The following EXOSC10 variants were observed in gnomAD, a reference collection of about 807,000 sequenced individuals.
The protein encoded by EXOSC10 is exosome complex component 10.
A neutral mutation model predicts 126.6 loss-of-function variants in EXOSC10; 94 were observed. The observed-to-expected ratio is 0.74, with a 90% CI of 0.63 to 0.88. The LOEUF is 0.88. Among genes scored for constraint, EXOSC10 ranks in the 40% least tolerant of loss-of-function variants. The pLI is 0.00. For synonymous variants in EXOSC10, 395 were observed against 400.8 expected, an observed-to-expected ratio of 0.99 and a Z score of 0.17; for missense variants, 1,041 against 1,100.5, an observed-to-expected ratio of 0.95 and a Z score of 0.77.
Position 11,068,691 on chromosome 1 carries a change from T to G in EXOSC10, c.2504A>C (p.Lys835Thr). The G allele has an allele frequency of 1.9e-6, 3 of 1,614,092 alleles. No homozygotes were observed. The highest frequency in any genetic ancestry group is 2.5e-6 in the Non-Finnish European group (3 of 1,179,984). The part of the protein sequence containing the change: ...FKAFAGNSKS[K>T]VSSQFDPNKQ... Reference sequence around the variant, plus strand: ...ATTTGGATCAAACTGAGAAGAAACTTTGGATTTGCTGTTTCCTGAAAGGTA... The same window carrying G: ...ATTTGGATCAAACTGAGAAGAAACTGTGGATTTGCTGTTTCCTGAAAGGTA... Residue 835 changes from lysine to threonine, a missense_variant, in exon 23 of 25, where the codon AAA becomes ACA. Physicochemically the swap from Lys to Thr is moderately conservative, Grantham distance 78 (BLOSUM62 -1). Around this residue, in one of 3 missense-constraint regions of EXOSC10, gnomAD observed 388 missense variants for 415.2 expected, o/e 0.93. Coordinates refer to ENST00000376936, the MANE Select transcript of EXOSC10 (RefSeq NM_001001998.3).
At chr1:11,090,802 A>G in intron 5 of EXOSC10, 134 bp from the exon 6 acceptor site, 1 of 820,222 alleles carries the variant, frequency 1.2e-6, no homozygotes, top group Non-Finnish European at 1.9e-6. Flanking sequence ...CCCAGGCTGA[A>G]GTGTGGTGGC....
intron 10 of EXOSC10, chr1:11,082,455 C>T: frequency 9.3e-7 from 1 of 1,080,240 alleles, no homozygotes; most frequent in Middle Eastern, 3.1e-4. Context: ...ACCTCTTTTT[C>T]AACCACTATT....
At chr1:11,087,642 ACTTTC>A (rs761467064) in intron 8 of EXOSC10, 51 bp from the exon 9 acceptor site, 2 of 1,588,400 alleles carry the variant, frequency 1.3e-6, no homozygotes, top group Non-Finnish European at 1.7e-6. Flanking sequence ...ATTATATTAG[ACTTTC>A]CTTTACTGAT....
chr1:11,096,217 G>A (rs1203009235), intron 2 of EXOSC10, among the ~76,000 whole-genome samples: 1 of 151,352 alleles, frequency 6.6e-6, no homozygotes, highest in African/African-American at 2.4e-5. Context: ...CTCCTGACCC[G>A]AAGTGATCTG....
chr1:11,072,429 A>G lies in EXOSC10; in HGVS notation c.2158-258T>C, dbSNP rs1314054039. On this transcript the variant is annotated intron_variant, in intron 19 of 24. Transcript: ENST00000376936. ...CATTCAATCCCTCTGTAACCCTGGG[A>G]AAAAGGTACTGTCATCACCCTCTCT... 7 of 375,538 alleles carry G rather than the reference A, an allele frequency of 1.9e-5. No individual in the cohort carries two copies. In the East Asian group the frequency reaches 4.0e-4, roughly 21 times the overall value. 23.3% of individuals were successfully genotyped at this position (375,538 alleles called of 1,614,324 possible). A position where few individuals can be genotyped will look rare whatever the true frequency, so the allele number is the denominator to read the frequency against.
chr1:11,097,909 T>A, intron 2 of EXOSC10, 111 bp downstream of exon 2: 3 of 1,074,786 alleles, frequency 2.8e-6, no homozygotes, highest in Non-Finnish European at 3.7e-6. Flanking sequence ...ATTTTATAGC[T>A]CTTCATACCA....
At chr1:11,069,824 T>G in intron 21 of EXOSC10, 94 bp from the exon 22 acceptor site, 1 of 1,334,644 alleles carries the variant, frequency 7.5e-7, no homozygotes. Context: ...CCCAGCTGCC[T>G]AAGTGGTAAG....
At position 11,090,310 on chromosome 1, in the gene EXOSC10, A is replaced by G. The variant is rs117588526; in HGVS notation, c.758+244T>C. ...ACCGCGCCCAGCCTTCGTGTTTTAC[A>G]TCTATAAAATGGGAATAAGAGCAAC... On this transcript the variant is annotated intron_variant, in intron 6 of 24. Transcript: ENST00000376936. 1.6e-4 allele frequency among the ~76,000 whole-genome samples: 25 copies of G among 152,240 alleles called. No homozygotes were observed. The East Asian group carries it at 4.8e-3, about 29-fold the overall frequency.
At chr1:11,081,054 G>A (rs371605475) in intron 11 of EXOSC10, 28 bp downstream of exon 11, 8 of 1,611,868 alleles carry the variant, frequency 5.0e-6, no homozygotes, top group Middle Eastern at 1.7e-4. Context: ...CAAGTGTCGC[G>A]GTCTGTGTGA....
At chr1:11,083,388 C>A (rs1179171683) in intron 9 of EXOSC10, among the ~76,000 whole-genome samples, 1 of 151,750 alleles carries the variant, frequency 6.6e-6, no homozygotes, top group Non-Finnish European at 1.5e-5. Flanking sequence ...ATGGCAAAAC[C>A]CTGTCTCTAC....
intron 19 of EXOSC10, 162 bp from the exon 20 acceptor site, chr1:11,072,333 G>C: frequency 1.7e-6 from 1 of 580,666 alleles, no homozygotes; most frequent in Non-Finnish European, 3.0e-6. Context: ...ATTTCATGCT[G>C]GCTTTATTGC....
At chr1:11,066,871 C>A in intron 24 of EXOSC10, 123 bp from the exon 25 acceptor site, 1 of 1,175,144 alleles carries the variant, frequency 8.5e-7, no homozygotes, top group Non-Finnish European at 1.3e-6. Flanking sequence ...CTCAGGGGCC[C>A]CAGAGAACTC....
chr1:11,083,653 T>G (rs974845621), intron 9 of EXOSC10, among the ~76,000 whole-genome samples: 3 of 151,982 alleles, frequency 2.0e-5, no homozygotes, highest in African/African-American at 7.3e-5. Flanking sequence ...ATACTTTAAG[T>G]TTTAGGGTAC....
intron 24 of EXOSC10, among the ~76,000 whole-genome samples, chr1:11,067,348 C>T (rs1262470656): frequency 2.6e-4 from 40 of 151,842 alleles, no homozygotes; most frequent in Admixed American, 2.6e-3. Context: ...AGGAGAATGG[C>T]GTGAACCCGG....
Position 11,077,670 on chromosome 1 carries a change from G to A in EXOSC10, c.1750-19C>T, listed in dbSNP as rs746524992. 1 of 1,598,678 alleles carries A rather than the reference G, an allele frequency of 6.3e-7. No individual in the cohort carries two copies. Among genetic ancestry groups the A allele is most frequent in the Non-Finnish European group, 8.6e-7 (1 of 1,168,830 alleles). ...CTTCAGACTAAGGAAAAAAACGAAG[G>A]GAATTGAGGAAAGTTGCCCAAGCAC... On this transcript the variant is annotated intron_variant, in intron 14 of 24. Coordinates refer to ENST00000376936, the MANE Select transcript of EXOSC10 (RefSeq NM_001001998.3).
chr1:11,098,486 T>C (rs1041319427), intron 1 of EXOSC10, among the ~76,000 whole-genome samples: 2 of 152,258 alleles, frequency 1.3e-5, no homozygotes, highest in Non-Finnish European at 2.9e-5. Context: ...TGGACTTTAG[T>C]GTTCTCCTCT....
chr1:11,088,370 G>T (rs1298635983), intron 6 of EXOSC10, among the ~76,000 whole-genome samples, 172 bp from the exon 7 acceptor site: 1 of 152,144 alleles, frequency 6.6e-6, no homozygotes, highest in Non-Finnish European at 1.5e-5. Context: ...TAAATCAGAT[G>T]ATATTTGCTC....
Position 11,069,542 on chromosome 1 carries a change from C to G in EXOSC10, c.2488+17G>C. On this transcript the variant is annotated intron_variant, in intron 22 of 24. Transcript: ENST00000376936. ...CGCGCACAGATGTCCCTGTATGGGGCCCCATTACTTCCTCACCAGCAAAAG... is the reference window on the plus strand; with the variant it reads ...CGCGCACAGATGTCCCTGTATGGGGGCCCATTACTTCCTCACCAGCAAAAG... The G allele has an allele frequency of 6.2e-7, 1 of 1,610,276 alleles. No homozygotes were observed. Among genetic ancestry groups the G allele is most frequent in the Non-Finnish European group, 8.5e-7 (1 of 1,178,932 alleles).
At chr1:11,082,632 T>C in intron 10 of EXOSC10, 56 bp downstream of exon 10, 1 of 1,603,440 alleles carries the variant, frequency 6.2e-7, no homozygotes, top group South Asian at 1.1e-5. Context: ...GACGACAGGT[T>C]AATGAATAAT....
Sources: gnomAD v4.1 joint callset for allele counts (sites outside exome capture counted in the v4.1 genomes callset) on GRCh38, gnomAD v4.1.1 for gene constraint, gnomAD v4.1.1 regional missense constraint, MANE v1.5 for transcripts, NCBI Gene and HGNC (gene_info 2026-07-23, HGNC 2026-07-21) for gene names.